SASH1: variants seen among roughly 807,000 people sequenced by gnomAD.
The protein encoded by SASH1 is SAM and SH3 domain containing 1.
Under a neutral mutation model 125.2 loss-of-function variants are expected in SASH1, and 44 were observed. The observed-to-expected ratio is 0.35, with a 90% CI of 0.28 to 0.45. The LOEUF is 0.45. Among genes scored for constraint, SASH1 ranks in the 20% least tolerant of loss-of-function variants. The probability of loss-of-function intolerance (pLI) is 1.00; values close to 1 mark genes in which losing one functional copy is unlikely to be tolerated. For synonymous variants in SASH1, 639 were observed against 649.1 expected (o/e 0.98, Z 0.24); for missense variants, 1,426 against 1,614.5 (o/e 0.88, Z 2.00).
At chr6:148,440,092 G>T in intron 2 of SASH1, 92 bp from the exon 3 acceptor site, 1 of 1,237,022 alleles carries the variant, frequency 8.1e-7, no homozygotes, top group South Asian at 1.2e-5. Flanking sequence ...AACCTTTCCC[G>T]AATCCTCCCC....
At chr6:148,292,575 A>G (rs1288219509) in intron 1 of SASH1, among the ~76,000 whole-genome samples, 1 of 152,170 alleles carries the variant, frequency 6.6e-6, no homozygotes, top group African/African-American at 2.4e-5. Flanking sequence ...AGAGGGGTGT[A>G]AAGGGCATGT....
At chr6:148,293,736 G>C (rs1779695103) in intron 1 of SASH1, among the ~76,000 whole-genome samples, 1 of 152,194 alleles carries the variant, frequency 6.6e-6, no homozygotes, top group Non-Finnish European at 1.5e-5. Context: ...AATCCTAGGA[G>C]AAGCCATTAG....
At chr6:148,324,700 T>C (rs1434981022) in intron 1 of SASH1, among the ~76,000 whole-genome samples, 1 of 152,188 alleles carries the variant, frequency 6.6e-6, no homozygotes, top group Non-Finnish European at 1.5e-5. Context: ...AATAAAGAAA[T>C]AGACTCTGGG....
Position 148,375,071 on chromosome 6 carries a change from G to A in SASH1, c.157-15063G>A, listed in dbSNP as rs541743723. ...AATGGCTCAATGATAGCTCACTGCA[G>A]CCTCAACCTCCTGGGCTCAGGTCAT... On this transcript the variant is annotated intron_variant, in intron 1 of 19. Coordinates refer to ENST00000367467, the MANE Select transcript of SASH1 (RefSeq NM_015278.5). Among the ~76,000 whole-genome samples, 5 of 151,700 alleles carry A rather than the reference G, an allele frequency of 3.3e-5. No individual in the cohort carries two copies. The East Asian group carries it at 9.8e-4, about 30-fold the overall frequency.
chr6:148,482,835 C>T (rs1443626259), intron 7 of SASH1, among the ~76,000 whole-genome samples: 2 of 151,856 alleles, frequency 1.3e-5, no homozygotes, highest in African/African-American at 4.8e-5. Context: ...ACTACAGGCA[C>T]GTGCCACAAC....
At chr6:148,445,313 G>A (rs1201891065) in intron 4 of SASH1, among the ~76,000 whole-genome samples, 1 of 152,182 alleles carries the variant, frequency 6.6e-6, no homozygotes, top group Non-Finnish European at 1.5e-5. Context: ...CCAGTTCAAG[G>A]TGGAGACGCT....
At chr6:148,219,240 A>G in the SASH1 span, among the ~76,000 whole-genome samples, 1 of 152,208 alleles carries the variant, frequency 6.6e-6, no homozygotes, top group Admixed American at 6.5e-5. Flanking sequence ...TCCTCATTGT[A>G]GAAATTCCAG....
intron 8 of SASH1, among the ~76,000 whole-genome samples, chr6:148,488,059 A>G (rs1469791175): frequency 6.6e-6 from 1 of 152,004 alleles, no homozygotes; most frequent in Non-Finnish European, 1.5e-5. Flanking sequence ...CCAGCATCAT[A>G]ATTTACTTCC....
the SASH1 span, among the ~76,000 whole-genome samples, chr6:148,234,058 G>A: frequency 2.6e-5 from 4 of 151,902 alleles, no homozygotes; most frequent in Non-Finnish European, 2.9e-5. Flanking sequence ...TACAATTTGA[G>A]ACAGGGTCTC....
At chr6:148,355,884 T>C (rs1781910552) in intron 1 of SASH1, among the ~76,000 whole-genome samples, 2 of 152,140 alleles carry the variant, frequency 1.3e-5, no homozygotes, top group African/African-American at 4.8e-5. Context: ...TAAAAAAATT[T>C]CAATAGTTTT....
chr6:148,266,801 G>C, the SASH1 span, among the ~76,000 whole-genome samples: 1 of 150,390 alleles, frequency 6.6e-6, no homozygotes, highest in Non-Finnish European at 1.5e-5. Flanking sequence ...TGGTAGAGAT[G>C]ATGTCTCACT....
At chr6:148,390,500 G>A (rs1783657729) in intron 2 of SASH1, among the ~76,000 whole-genome samples, 1 of 152,218 alleles carries the variant, frequency 6.6e-6, no homozygotes, top group African/African-American at 2.4e-5. Flanking sequence ...TAAAAGAACA[G>A]ATTTGGCCGG....
At chr6:148,358,231 A>G (rs1782022956) in intron 1 of SASH1, among the ~76,000 whole-genome samples, 1 of 152,170 alleles carries the variant, frequency 6.6e-6, no homozygotes, top group African/African-American at 2.4e-5. Flanking sequence ...GTCTTGATGT[A>G]TAAAGAAGAT....
At chr6:148,390,895 G>A (rs1282467616) in intron 2 of SASH1, among the ~76,000 whole-genome samples, 1 of 151,896 alleles carries the variant, frequency 6.6e-6, no homozygotes, top group African/African-American at 2.4e-5. Context: ...AAGCCCAAAG[G>A]GTGTCTAGGC....
rs1432820349 is a variant in SASH1 at position 148,483,274 on chromosome 6, A to G, written c.628-4340A>G. Among the ~76,000 whole-genome samples, 5 of 152,038 alleles carry G rather than the reference A, an allele frequency of 3.3e-5. No individual in the cohort carries two copies. In the South Asian group the frequency reaches 8.3e-4, roughly 25 times the overall value. On this transcript the variant is annotated intron_variant, in intron 7 of 19. Coordinates refer to ENST00000367467, the MANE Select transcript of SASH1 (RefSeq NM_015278.5). ...GAGAGGGGAGGTGCCTGGCTCTTTT[A>G]TAACAGCTGCTATTTGGGGAACAAA...
At chr6:148,326,377 T>TATATATA (rs1780825015) in intron 1 of SASH1, among the ~76,000 whole-genome samples, 1 of 33,498 alleles carries the variant, frequency 3.0e-5, no homozygotes, top group Non-Finnish European at 6.4e-5. Flanking sequence ...TATATATACA[T>TATATATA]TCTTTTCTTT....
rs200689800 is a variant in SASH1 at position 148,333,467 on chromosome 6, G to A, written n.75-56667G>A. Among the ~76,000 whole-genome samples the A allele has an allele frequency of 1.6e-4, 24 of 152,204 alleles. No individual in the cohort carries two copies. The East Asian group carries it at 3.5e-3, about 22-fold the overall frequency. ...TCAGTAGAAGGCTTGAGGTGGGGCC[G>A]GGAAATTTGCATTTGTAACAAATTC... On this transcript the variant is annotated intron_variant and non_coding_transcript_variant, in intron 1 of 3. Transcript: ENST00000367469.
At chr6:148,280,273 G>C (rs983433092) in intron 1 of SASH1, 7 of 151,422 alleles carry the variant, frequency 4.6e-5, no homozygotes, top group African/African-American at 1.7e-4. Flanking sequence ...GCCCTGGAAA[G>C]AGCAGTTACC....
At chr6:148,384,819 C>T (rs961817540) in intron 1 of SASH1, among the ~76,000 whole-genome samples, 1 of 152,120 alleles carries the variant, frequency 6.6e-6, no homozygotes, top group Non-Finnish European at 1.5e-5. Context: ...TAAGTATATG[C>T]CATACCATCA....
Sources: gnomAD v4.1 joint callset for allele counts (sites outside exome capture counted in the v4.1 genomes callset) on GRCh38, gnomAD v4.1.1 for gene constraint, MANE v1.5 for transcripts, NCBI Gene and HGNC (gene_info 2026-07-23, HGNC 2026-07-21) for gene names.